The following PAPPA2 variants were observed in gnomAD, a reference collection of about 807,000 sequenced individuals.
PAPPA2 encodes pappalysin-2.
A neutral mutation model predicts 176.4 loss-of-function variants in PAPPA2; 86 were observed. The ratio of observed to expected loss-of-function variants is 0.49; its 90% CI spans 0.41 to 0.58. PAPPA2 has a LOEUF of 0.58. PAPPA2 is among the 20% of genes least tolerant of loss of function. The pLI is 0.00. For synonymous variants in PAPPA2, 809 were observed against 852.2 expected (o/e 0.95, Z 0.88); for missense variants, 2,073 against 2,256.9 (o/e 0.92, Z 1.65).
chr1:176,796,634 C>T (rs201153068), intron 20 of PAPPA2, among the ~76,000 whole-genome samples: 16 of 116,422 alleles, frequency 1.4e-4, no homozygotes, highest in Non-Finnish European at 2.3e-4. Flanking sequence ...CTTTCTTTTT[C>T]TTTCTTTTCT....
At chr1:176,593,245 C>T (rs1218968692) in intron 2 of PAPPA2, among the ~76,000 whole-genome samples, 4 of 152,180 alleles carry the variant, frequency 2.6e-5, no homozygotes. Flanking sequence ...GAATAGGAAG[C>T]CTCATGGCTT....
At chr1:176,837,092 C>T (rs1048148696) in intron 21 of PAPPA2, among the ~76,000 whole-genome samples, 6 of 152,100 alleles carry the variant, frequency 3.9e-5, no homozygotes, top group Non-Finnish European at 7.3e-5. Flanking sequence ...GTTTCCGAAG[C>T]GGTATTCGTA....
intron 1 of PAPPA2, among the ~76,000 whole-genome samples, chr1:176,522,777 C>A (rs908208674): frequency 1.3e-5 from 2 of 152,140 alleles, no homozygotes; most frequent in African/African-American, 4.8e-5. Flanking sequence ...TTGTTTCTTT[C>A]TAACTCTTCC....
intron 1 of PAPPA2, among the ~76,000 whole-genome samples, chr1:176,523,852 A>G (rs1270564363): frequency 2.0e-5 from 3 of 152,236 alleles, no homozygotes; most frequent in Non-Finnish European, 4.4e-5. Context: ...TAGTCCCTGT[A>G]GAATTACATC....
intron 9 of PAPPA2, 44 bp from the exon 10 acceptor site, chr1:176,706,315 T>A (rs770707991): frequency 6.5e-7 from 1 of 1,531,294 alleles, no homozygotes; most frequent in South Asian, 1.2e-5. Context: ...AACAAGAAAA[T>A]TTGTGTGTAT....
chr1:176,537,719 A>AGTGTGTGTGTGTGTGTGTGTGT (rs57602344), intron 1 of PAPPA2, among the ~76,000 whole-genome samples: 4 of 143,826 alleles, frequency 2.8e-5, no homozygotes, highest in Non-Finnish European at 6.1e-5. Context: ...GTAGGTATGG[A>AGTGTGTGTGTGTGTGTGTGTGT]GTGTGTGTGT....
chr1:176,694,806 C>A (rs1660289784), intron 6 of PAPPA2, among the ~76,000 whole-genome samples: 1 of 152,194 alleles, frequency 6.6e-6, no homozygotes, highest in South Asian at 2.1e-4. Flanking sequence ...GGGTCCAATC[C>A]TGTTGGAAAT....
intron 3 of PAPPA2, among the ~76,000 whole-genome samples, chr1:176,655,639 C>T (rs1387612892): frequency 2.6e-5 from 4 of 151,736 alleles, no homozygotes. Flanking sequence ...AATGTGTACA[C>T]ATGGACACAG....
At chr1:176,674,594 T>A (rs1236560650) in intron 4 of PAPPA2, among the ~76,000 whole-genome samples, 1 of 152,008 alleles carries the variant, frequency 6.6e-6, no homozygotes, top group Non-Finnish European at 1.5e-5. Context: ...CATTATTTTA[T>A]TCCTTTTTAT....
At chr1:176,612,335 A>G (rs1026823822) in intron 3 of PAPPA2, among the ~76,000 whole-genome samples, 16 of 150,848 alleles carry the variant, frequency 1.1e-4, no homozygotes, top group African/African-American at 3.9e-4. Flanking sequence ...CAGAGGTTGC[A>G]GTGAGCTGAG....
chr1:176,766,594 A>G (rs1279520618), intron 15 of PAPPA2, among the ~76,000 whole-genome samples: 1 of 152,218 alleles, frequency 6.6e-6, no homozygotes, highest in Non-Finnish European at 1.5e-5. Context: ...GGCTGGAAAT[A>G]ATTTAAATGC....
intron 2 of PAPPA2, among the ~76,000 whole-genome samples, chr1:176,584,042 G>A (rs77881228): frequency 0.039 from 5,889 of 152,178 alleles, 147 homozygotes; most frequent in South Asian, 0.069. Flanking sequence ...ACCCTGTCTC[G>A]AAAAAATATT....
At chr1:176,695,347 T>G (rs562459175) in intron 6 of PAPPA2, among the ~76,000 whole-genome samples, 16 of 152,326 alleles carry the variant, frequency 1.1e-4, no homozygotes, top group Non-Finnish European at 1.9e-4. Context: ...GGGAAATTAT[T>G]GCCTGTTTTA....
At chr1:176,473,308 T>G (rs1349316838) in intron 1 of PAPPA2, among the ~76,000 whole-genome samples, 1 of 152,222 alleles carries the variant, frequency 6.6e-6, no homozygotes, top group Non-Finnish European at 1.5e-5. Context: ...TCGGATTGGC[T>G]TCTTTCACTT....
chr1:176,702,554 G>C, intron 8 of PAPPA2, 53 bp from the exon 9 acceptor site: 11 of 1,604,078 alleles, frequency 6.9e-6, no homozygotes, highest in Non-Finnish European at 9.4e-6. Flanking sequence ...AAAGGACCCA[G>C]GGCATGCCTC....
intron 5 of PAPPA2, chr1:176,691,161 G>A: frequency 1.0e-6 from 1 of 984,096 alleles, no homozygotes; most frequent in Non-Finnish European, 1.2e-6. Flanking sequence ...TCCTATAATG[G>A]ACTCAAAGTT....
At chr1:176,699,660 T>A (rs1660557520) in intron 8 of PAPPA2, 71 bp downstream of exon 8, 2 of 1,516,700 alleles carry the variant, frequency 1.3e-6, no homozygotes, top group African/African-American at 2.8e-5. Context: ...TTCCCCCACT[T>A]TTTAATATTC....
intron 21 of PAPPA2, among the ~76,000 whole-genome samples, chr1:176,832,660 G>A (rs941364419): frequency 6.6e-6 from 1 of 152,132 alleles, no homozygotes; most frequent in Non-Finnish European, 1.5e-5. Flanking sequence ...GCCATATTCT[G>A]TGCTTTTAAT....
Position 176,690,183 on chromosome 1 carries a change from C to A in PAPPA2, c.2184C>A (p.Thr728=). 1 of 1,613,922 alleles carries A rather than the reference C, an allele frequency of 6.2e-7. No individual in the cohort carries two copies. Among genetic ancestry groups the A allele is most frequent in the Non-Finnish European group, 8.5e-7 (1 of 1,179,870 alleles). Residue 728 remains threonine (T), a synonymous_variant, in exon 5 of 23, where the codon ACC becomes ACA. Coordinates refer to ENST00000367662, the MANE Select transcript of PAPPA2 (RefSeq NM_020318.3). ...SPAYYGMPGH[T]DTMIHEVGHV... ...CATATTATGGGATGCCTGGCCACAC[C>A]GACACCATGATCCATGAAGTGGGAC... is the stretch of plus-strand genomic sequence containing the variant.
Sources: gnomAD v4.1 joint callset for allele counts (sites outside exome capture counted in the v4.1 genomes callset) on GRCh38, gnomAD v4.1.1 for gene constraint, MANE v1.5 for transcripts, NCBI Gene and HGNC (gene_info 2026-07-23, HGNC 2026-07-21) for gene names.